The following FLT3LG variants were observed in gnomAD, a reference collection of about 807,000 sequenced individuals.
The protein encoded by FLT3LG is fms-related tyrosine kinase 3 ligand.
FLT3LG carries 8 observed loss-of-function variants against 30.9 expected under a neutral mutation model. That is an observed-to-expected ratio of 0.26 (90% confidence interval 0.15 to 0.47). The LOEUF is 0.47. Ranked by LOEUF, FLT3LG falls within the 20% of genes least tolerant of loss-of-function variation. The pLI is 0.99. For synonymous variants in FLT3LG, 123 were observed against 135.9 expected, an observed-to-expected ratio of 0.91 and a Z score of 0.66; for missense variants, 278 against 306.2, an observed-to-expected ratio of 0.91 and a Z score of 0.69.
Position 49,478,901 on chromosome 19 carries a change from G to A in FLT3LG, c.343-8G>A. On this transcript the variant is annotated splice_region_variant and splice_polypyrimidine_tract_variant and intron_variant, in intron 5 of 8. Transcript: ENST00000597551. ...CGTGGTGGTGACGTCTCCCTCCCCTGCTCCCAGCCCCCCCCCAGCTGTCTT... is the reference window on the plus strand; with the variant it reads ...CGTGGTGGTGACGTCTCCCTCCCCTACTCCCAGCCCCCCCCCAGCTGTCTT... 1 of 1,521,366 alleles carries A rather than the reference G, an allele frequency of 6.6e-7. No individual in the cohort carries two copies. The allele number at this position is 1,521,366 out of a possible 1,614,324, so 94.2% of individuals were successfully genotyped here.
At position 49,485,756 on chromosome 19, in the gene FLT3LG, G is replaced by A. The variant is rs2079781028; in HGVS notation, c.*22-259G>A. ...TGGTCTCAAACTCCCAACCTAAGGT[G>A]ATCCACCAGCCTCAGCCTCCCAAAC... On this transcript the variant is annotated intron_variant, in intron 8 of 8. Coordinates refer to ENST00000597551, the MANE Select transcript of FLT3LG (RefSeq NM_001459.4). Among the ~76,000 whole-genome samples the A allele has an allele frequency of 2.0e-5, 3 of 152,194 alleles. No individual in the cohort carries two copies. In the South Asian group the frequency reaches 6.2e-4, roughly 31 times the overall value.
chr19:49,482,907 G>A (rs200846383), intron 8 of FLT3LG, among the ~76,000 whole-genome samples: 134 of 151,254 alleles, frequency 8.9e-4, no homozygotes, highest in Non-Finnish European at 1.6e-3. Context: ...GATTACAGGC[G>A]TGAGCCACCG....
chr19:49,475,551 T>G, intron 2 of FLT3LG, 140 bp from the exon 3 acceptor site: 2 of 1,117,286 alleles, frequency 1.8e-6, no homozygotes, highest in Non-Finnish European at 2.5e-6. Context: ...TGGGGCCATG[T>G]CTCCAGAAAG....
chr19:49,474,457 T>C, intron 1 of FLT3LG, 146 bp from the exon 2 acceptor site: 1 of 606,950 alleles, frequency 1.6e-6, no homozygotes, highest in Non-Finnish European at 2.9e-6. Flanking sequence ...TCACCGTAAC[T>C]GGGGCAGACG....
At chr19:49,484,741 C>T (rs1191431978) in intron 8 of FLT3LG, among the ~76,000 whole-genome samples, 1 of 151,938 alleles carries the variant, frequency 6.6e-6, no homozygotes, top group African/African-American at 2.4e-5. Context: ...GTGATCTGCC[C>T]GCCTTGACCT....
chr19:49,480,210 G>A lies in FLT3LG; in HGVS notation c.482-88G>A, dbSNP rs1006572284. 9 of 969,944 alleles carry A rather than the reference G, an allele frequency of 9.3e-6. No homozygotes were observed. The East Asian group carries it at 2.0e-4, about 22-fold the overall frequency. 60.1% of individuals were successfully genotyped at this position (969,944 alleles called of 1,614,324 possible). A position where few individuals can be genotyped will look rare whatever the true frequency, so the allele number is the denominator to read the frequency against. Reference sequence around the variant, plus strand: ...CAGAGAGGCCAAGCAGCCCATCCAAGGTCACACAGCCAGTGGCAGCCAGGC... The same window carrying A: ...CAGAGAGGCCAAGCAGCCCATCCAAAGTCACACAGCCAGTGGCAGCCAGGC... On this transcript the variant is annotated intron_variant, in intron 6 of 8. Coordinates refer to ENST00000597551, the MANE Select transcript of FLT3LG (RefSeq NM_001459.4).
At position 49,480,577 on chromosome 19, in the gene FLT3LG, A is replaced by C; in HGVS notation, c.686A>C (p.Asp229Ala). The C allele has an allele frequency of 1.2e-6, 2 of 1,613,412 alleles. No individual in the cohort carries two copies. Among genetic ancestry groups the C allele is most frequent in the Non-Finnish European group, 1.7e-6 (2 of 1,179,790 alleles). ...GTGCCCCCCGTCCCCAGTCCCCAGG[A>C]CCTGCTGCTTGTGGAGCACTGACCT... Reference protein sequence around the residue: ...EQVPPVPSPQDLLLVEH With the variant: ...EQVPPVPSPQALLLVEH The change falls in exon 8 of 9, where the codon GAC becomes GCC. Residue 229 changes from aspartate (D) to alanine (A), a missense_variant. Coordinates refer to ENST00000597551, the MANE Select transcript of FLT3LG (RefSeq NM_001459.4).
Position 49,476,233 on chromosome 19 carries a change from G to A in FLT3LG, c.198+35G>A. 7.7e-6 allele frequency: 12 copies of A among 1,565,864 alleles called. No individual in the cohort carries two copies. The highest frequency in any genetic ancestry group is 9.7e-6 in the Non-Finnish European group (11 of 1,139,808). Reference sequence around the variant, plus strand: ...GTTGGGAGGGACCTGGGATGGAGGTGGGGACCACAGACTCAAGATGCTCCA... The same window carrying A: ...GTTGGGAGGGACCTGGGATGGAGGTAGGGACCACAGACTCAAGATGCTCCA... On this transcript the variant is annotated intron_variant, in intron 4 of 8. Coordinates refer to ENST00000597551, the MANE Select transcript of FLT3LG (RefSeq NM_001459.4). The surrounding 1 kb of genome is among the most constrained non-coding windows in gnomAD (Gnocchi z 5.3).
At chr19:49,475,550 G>A in intron 2 of FLT3LG, 141 bp from the exon 3 acceptor site, 2 of 1,115,002 alleles carry the variant, frequency 1.8e-6, no homozygotes, top group Non-Finnish European at 2.5e-6. Context: ...ATGGGGCCAT[G>A]TCTCCAGAAA....
rs140592524 is a variant in FLT3LG at position 49,480,552 on chromosome 19, G to A, written c.661G>A (p.Val221Met). Residue 221 changes from valine to methionine, a missense_variant and splice_region_variant, in exon 8 of 9, where the codon GTG becomes ATG. Around this residue, in one of 3 missense-constraint regions of FLT3LG, gnomAD observed 170 missense variants for 162.0 expected, o/e 1.05. Transcript: ENST00000597551. ...GTGGCTGACACTTTGGGGCCCACAG[G>A]TGCCCCCCGTCCCCAGTCCCCAGGA... Reference protein sequence around the residue: ...RRRTPRPGEQVPPVPSPQDLL... With the variant: ...RRRTPRPGEQMPPVPSPQDLL... 8.0e-5 allele frequency: 129 copies of A among 1,612,798 alleles called. No homozygotes were observed. The highest frequency in any genetic ancestry group is 1.7e-4 in the Middle Eastern group (1 of 5,978).
At chr19:49,478,384 G>C (rs1047168450) in intron 5 of FLT3LG, among the ~76,000 whole-genome samples, 2 of 151,516 alleles carry the variant, frequency 1.3e-5, no homozygotes, top group African/African-American at 2.4e-5. Flanking sequence ...GGTGAATGGC[G>C]TGAAACCAGG....
chr19:49,484,388 A>G (rs1005760821), intron 8 of FLT3LG, among the ~76,000 whole-genome samples: 2 of 133,356 alleles, frequency 1.5e-5, no homozygotes. Flanking sequence ...TCCACCTCCC[A>G]GGTTCAAGCG....
chr19:49,474,752 G>C, intron 2 of FLT3LG, 80 bp downstream of exon 2: 2 of 1,449,486 alleles, frequency 1.4e-6, no homozygotes, highest in Non-Finnish European at 9.6e-7. Flanking sequence ...GGAGATGGAC[G>C]GGAGAACAGA....
chr19:49,482,721 G>A (rs1446409043), intron 8 of FLT3LG, among the ~76,000 whole-genome samples: 7 of 150,734 alleles, frequency 4.6e-5, no homozygotes, highest in East Asian at 3.9e-4. Flanking sequence ...TCCACCTCCC[G>A]GGTTCAAGCG....
At chr19:49,483,894 A>G (rs1228611008) in intron 8 of FLT3LG, among the ~76,000 whole-genome samples, 2 of 138,234 alleles carry the variant, frequency 1.4e-5, no homozygotes, top group African/African-American at 2.8e-5. Flanking sequence ...AAAAAAAAAG[A>G]TCAAAGACCA....
chr19:49,484,288 ATTTT>A lies in FLT3LG; in HGVS notation c.*22-1709_*22-1706del, dbSNP rs745909519. Among the ~76,000 whole-genome samples the A allele has an allele frequency of 4.3e-3, 427 of 98,338 alleles. 1 individual carries two copies. The highest frequency in any genetic ancestry group is 0.019 in the African/African-American group (420 of 22,440). 64.5% of individuals were successfully genotyped at this position (98,338 alleles called of 152,430 possible). ...TGTCTTAAATTTATTTTTTATTATA[ATTTT>A]TTTTTTTTTTTTTTTTTGTGAGACA... is the stretch of plus-strand genomic sequence containing the variant. On this transcript the variant is annotated intron_variant, in intron 8 of 8. Transcript: ENST00000597551.
In FLT3LG at chr19:49,476,697, C is replaced by A. The variant is rs770320149; in HGVS notation, c.342+131C>A. ...AACGAAGGTAGAGCGAGAAGCGCCA[C>A]CCTGCAGAGCCCTGTTCCTACAGAA... On this transcript the variant is annotated intron_variant, in intron 5 of 8. Coordinates refer to ENST00000597551, the MANE Select transcript of FLT3LG (RefSeq NM_001459.4). This position sits in a 1 kb window ranked among gnomAD's most constrained non-coding sequence, Gnocchi z 5.3. 3.4e-5 allele frequency: 38 copies of A among 1,123,526 alleles called. No individual in the cohort carries two copies. Among genetic ancestry groups the A allele is most frequent in the Non-Finnish European group, 4.9e-5 (38 of 780,586 alleles). The allele number at this position is 1,123,526 out of a possible 1,614,324, so 69.6% of individuals were successfully genotyped here. A position where few individuals can be genotyped will look rare whatever the true frequency, so the allele number is the denominator to read the frequency against.
At position 49,474,483 on chromosome 19, in the gene FLT3LG, A is replaced by T. The variant is rs187456505; in HGVS notation, c.-37-120A>T. The T allele has an allele frequency of 4.3e-3, 2,755 of 647,154 alleles. 119 individuals carry two copies. The Admixed American group carries it at 0.07, about 16-fold the overall frequency. 40.1% of individuals were successfully genotyped at this position (647,154 alleles called of 1,614,324 possible). On this transcript the variant is annotated intron_variant, in intron 1 of 8. Transcript: ENST00000597551. ...GGGGCAGACGCAGGAAGCCTGGGGGAGGAAGGGGCGGAAACTCAGCCACAT... is the reference window on the plus strand; with the variant it reads ...GGGGCAGACGCAGGAAGCCTGGGGGTGGAAGGGGCGGAAACTCAGCCACAT...
chr19:49,480,291 TC>T lies in FLT3LG; in HGVS notation c.482-3del. 6.4e-7 allele frequency: 1 copy of T among 1,567,658 alleles called. No homozygotes were observed. On this transcript the variant is annotated splice_polypyrimidine_tract_variant and splice_region_variant and intron_variant, in intron 6 of 8. Transcript: ENST00000597551. ...CCTTGGTCACCCAGCCTCCTCTTTC[TC>T]CCCAGACTCCTCAACCCTGCCACCC...
Sources: allele counts gnomAD v4.1 joint callset (sites outside exome capture counted in the v4.1 genomes callset), GRCh38; gene constraint gnomAD v4.1.1; regional missense constraint gnomAD v4.1.1; non-coding constraint Gnocchi (gnomAD v3.1); transcripts MANE v1.5; gene names NCBI Gene and HGNC (gene_info 2026-07-23, HGNC 2026-07-21).